The following TTLL5 variants were observed in gnomAD, a reference collection of about 807,000 sequenced individuals.
The protein encoded by TTLL5 is tubulin tyrosine ligase like 5.
Under a neutral mutation model 168.4 loss-of-function variants are expected in TTLL5, and 132 were observed. The ratio of observed to expected loss-of-function variants is 0.78; its 90% CI spans 0.68 to 0.91. The LOEUF is 0.91. Among genes scored for constraint, TTLL5 ranks in the 40% least tolerant of loss-of-function variants. TTLL5 has a pLI of 0.00. For synonymous variants in TTLL5, 546 were observed against 558.6 expected, an observed-to-expected ratio of 0.98 and a Z score of 0.32; for missense variants, 1,545 against 1,581.5, an observed-to-expected ratio of 0.98 and a Z score of 0.39.
intron 7 of TTLL5, among the ~76,000 whole-genome samples, chr14:75,700,541 C>T (rs966049675): frequency 6.6e-6 from 1 of 152,160 alleles, no homozygotes; most frequent in Non-Finnish European, 1.5e-5. Context: ...CACATGCAGA[C>T]AGCTTACCCC....
At chr14:75,800,726 A>C (rs1364483876) in intron 27 of TTLL5, among the ~76,000 whole-genome samples, 1 of 152,046 alleles carries the variant, frequency 6.6e-6, no homozygotes, top group East Asian at 1.9e-4. Context: ...AACTGCAGTG[A>C]TTGTTACTGC....
At chr14:75,847,013 T>G (rs1896585087) in intron 28 of TTLL5, among the ~76,000 whole-genome samples, 2 of 151,924 alleles carry the variant, frequency 1.3e-5, no homozygotes, top group South Asian at 2.1e-4. Flanking sequence ...CTATATTTCT[T>G]TTTTTTGAGA....
Position 75,794,212 on chromosome 14 carries a change from A to G in TTLL5, c.3171+1112A>G, listed in dbSNP as rs115360034. Among the ~76,000 whole-genome samples the G allele has an allele frequency of 8.1e-3, 1,228 of 152,268 alleles. 22 individuals are homozygous for G. Among genetic ancestry groups the G allele is most frequent in the African/African-American group, 0.028 (1,177 of 41,530 alleles). ...GGAAGCAAAGAATATTATAAGAACA[A>G]TGTTGATTCTTGGAGGGAGTTGGGT... is the stretch of plus-strand genomic sequence containing the variant. On this transcript the variant is annotated intron_variant, in intron 27 of 31. Transcript: ENST00000298832.
chr14:75,851,673 GCT>G (rs1330370533), intron 28 of TTLL5, among the ~76,000 whole-genome samples: 1 of 152,196 alleles, frequency 6.6e-6, no homozygotes, highest in Non-Finnish European at 1.5e-5. Context: ...CCGTGCAGCC[GCT>G]CTCTCTGGCG....
intron 31 of TTLL5, among the ~76,000 whole-genome samples, chr14:75,947,305 G>C (rs1397674723): frequency 6.6e-6 from 1 of 152,110 alleles, no homozygotes; most frequent in African/African-American, 2.4e-5. Context: ...GTTGGAAAAA[G>C]ATATATTGGG....
At chr14:75,909,446 TC>T (rs1420107153) in intron 31 of TTLL5, among the ~76,000 whole-genome samples, 3 of 151,584 alleles carry the variant, frequency 2.0e-5, no homozygotes, top group African/African-American at 7.3e-5. Context: ...CCTAGGCTTT[TC>T]CCCCCACTGC....
chr14:75,766,210 A>G lies in TTLL5; in HGVS notation c.1857A>G (p.Thr619=), dbSNP rs934800631. 2 of 1,613,764 alleles carry G rather than the reference A, an allele frequency of 1.2e-6. No homozygotes were observed. Among genetic ancestry groups the G allele is most frequent in the African/African-American group, 2.7e-5 (2 of 74,856 alleles). Residue 619 remains threonine (T), a synonymous_variant, in exon 20 of 32, where the codon ACA becomes ACG. Transcript: ENST00000298832. ...TTAGAGAAAATCAAGCCAAATATAC[A>G]CCCTCATTGACAGCTTTGGTAGAAA... ...GFLRENQAKY[T]PSLTALVENT... is the part of the protein sequence containing the mutation.
intron 27 of TTLL5, among the ~76,000 whole-genome samples, chr14:75,809,252 G>T (rs919262487): frequency 2.0e-5 from 3 of 152,156 alleles, no homozygotes; most frequent in Admixed American, 6.5e-5. Flanking sequence ...CTGTCTTGAT[G>T]CTCCATGGAC....
intron 28 of TTLL5, among the ~76,000 whole-genome samples, chr14:75,835,775 G>A (rs1001054276): frequency 3.3e-5 from 5 of 152,092 alleles, no homozygotes; most frequent in Non-Finnish European, 7.4e-5. Flanking sequence ...CATATAAATG[G>A]CAAACAAGTA....
At chr14:75,829,573 T>C (rs1334114708) in intron 28 of TTLL5, among the ~76,000 whole-genome samples, 1 of 151,868 alleles carries the variant, frequency 6.6e-6, no homozygotes, top group Middle Eastern at 3.2e-3. Context: ...TTTTTTTTTT[T>C]TCATGTAACA....
In TTLL5 at chr14:75,783,286, C is replaced by T. The variant is rs199750590; in HGVS notation, c.2742C>T (p.His914=). ...TTSDLSPGPC[H]HSSLSQIPSA... ...CTGACCTCTCTCCAGGGCCTTGCCA[C>T]CATTCTTCTTTATCTCAAATTCCTT... Residue 914 remains histidine (H), a synonymous_variant, in exon 26 of 32, where the codon CAC becomes CAT. Coordinates refer to ENST00000298832, the MANE Select transcript of TTLL5 (RefSeq NM_015072.5). 4.5e-5 allele frequency: 72 copies of T among 1,614,080 alleles called. No individual in the cohort carries two copies. Among genetic ancestry groups the T allele is most frequent in the Non-Finnish European group, 5.9e-5 (70 of 1,180,038 alleles).
intron 18 of TTLL5, among the ~76,000 whole-genome samples, chr14:75,757,219 C>A (rs886633778): frequency 6.6e-6 from 1 of 152,184 alleles, no homozygotes; most frequent in African/African-American, 2.4e-5. Context: ...CTCAGGCAAT[C>A]CCCCTGCTTC....
At chr14:75,828,619 C>T (rs1004487990) in intron 28 of TTLL5, among the ~76,000 whole-genome samples, 2 of 152,106 alleles carry the variant, frequency 1.3e-5, no homozygotes, top group African/African-American at 4.8e-5. Flanking sequence ...GGGGTTGGCA[C>T]CCCAACCCCT....
At chr14:75,797,694 C>T (rs575297925) in intron 27 of TTLL5, among the ~76,000 whole-genome samples, 1 of 152,170 alleles carries the variant, frequency 6.6e-6, no homozygotes, top group Non-Finnish European at 1.5e-5. Context: ...GTCTTTGATT[C>T]TGTTTATGTG....
chr14:75,749,526 G>A (rs1278227783), intron 17 of TTLL5, among the ~76,000 whole-genome samples: 2 of 149,542 alleles, frequency 1.3e-5, no homozygotes, highest in Non-Finnish European at 3.0e-5. Flanking sequence ...TGTAAGCAAG[G>A]TTGGTCTGAG....
At chr14:75,805,894 G>T (rs775290767) in intron 27 of TTLL5, among the ~76,000 whole-genome samples, 3 of 151,988 alleles carry the variant, frequency 2.0e-5, no homozygotes, top group African/African-American at 7.3e-5. Context: ...TACCTATCCT[G>T]TTTTTCACTT....
In TTLL5 at chr14:75,766,124, G is replaced by T; in HGVS notation, c.1771G>T (p.Val591Phe). 1 of 1,614,026 alleles carries T rather than the reference G, an allele frequency of 6.2e-7. No homozygotes were observed. Among genetic ancestry groups the T allele is most frequent in the Non-Finnish European group, 8.5e-7 (1 of 1,179,990 alleles). ...TETESEEEEE[V>F]ALDNEDEEQE... ...GACAGAGAGTGAAGAGGAGGAAGAA[G>T]TCGCATTAGATAATGAAGATGAAGA... The change falls in exon 20 of 32, where the codon GTC becomes TTC. Residue 591 changes from valine to phenylalanine, a missense_variant. By Grantham distance (50) the Val-to-Phe change is conservative. Transcript: ENST00000298832.
At chr14:75,718,926 A>G (rs1278971629) in intron 10 of TTLL5, among the ~76,000 whole-genome samples, 3 of 152,234 alleles carry the variant, frequency 2.0e-5, no homozygotes, top group Non-Finnish European at 2.9e-5. Flanking sequence ...TGCTGAAGCT[A>G]TATAGGTTTC....
chr14:75,735,101 G>C (rs1888798771), intron 14 of TTLL5, 94 bp from the exon 15 acceptor site: 2 of 1,136,234 alleles, frequency 1.8e-6, no homozygotes, highest in Non-Finnish European at 2.7e-6. Flanking sequence ...TTATGACAGT[G>C]AAACTGAGTT....
Sources: gnomAD v4.1 joint callset for allele counts (sites outside exome capture counted in the v4.1 genomes callset) on GRCh38, gnomAD v4.1.1 for gene constraint, MANE v1.5 for transcripts, NCBI Gene and HGNC (gene_info 2026-07-23, HGNC 2026-07-21) for gene names.